WASF1: variants seen among roughly 807,000 people sequenced by gnomAD.
The protein encoded by WASF1 is WASP family member 1.
A neutral mutation model predicts 50.5 loss-of-function variants in WASF1; 7 were observed. The ratio of observed to expected loss-of-function variants is 0.14; its 90% CI spans 0.08 to 0.26. WASF1 has a LOEUF of 0.26. Ranked by LOEUF, WASF1 falls within the 10% of genes least tolerant of loss-of-function variation. WASF1 has a pLI of 1.00. For missense variants in WASF1, 470 were observed against 694.7 expected, an observed-to-expected ratio of 0.68 and a Z score of 3.64; for synonymous variants, 205 against 244.0, an observed-to-expected ratio of 0.84 and a Z score of 1.49.
rs777373514 is a variant in WASF1 at position 110,105,469 on chromosome 6, A to G, written c.651T>C (p.Asp217=). 6.2e-7 allele frequency: 1 copy of G among 1,613,960 alleles called. No individual in the cohort carries two copies. The highest frequency in any genetic ancestry group is 8.5e-7 in the Non-Finnish European group (1 of 1,179,954). Residue 217 remains aspartate (D), a synonymous_variant, in exon 8 of 11, where the codon GAT becomes GAC. Transcript: ENST00000392589. ...LAQGPELAED[D]ANLLHKHIEV... ...CAATATGCTTATGTAAGAGATTAGC[A>G]TCATCTTCAGCCAGCTCTGGACCTT...
chr6:110,153,900 A>G (rs1412997967), intron 3 of WASF1, among the ~76,000 whole-genome samples: 2 of 152,194 alleles, frequency 1.3e-5, no homozygotes, highest in Non-Finnish European at 2.9e-5. Flanking sequence ...AATGAATAGA[A>G]TATTATAAAA....
rs992383072 is a variant in WASF1, at chr6:110,101,699, G to A, written c.1411C>T (p.Pro471Ser). The change falls in exon 10 of 11, where the codon CCT becomes TCT. Residue 471 changes from proline to serine, a missense_variant. Pro to Ser is a moderately conservative substitution (Grantham distance 74). Around this residue, in one of 3 missense-constraint regions of WASF1, gnomAD observed 294 missense variants for 343.5 expected, o/e 0.86. Transcript: ENST00000392589. ...ATAACTTGTGATGGAGGAGATGGAGGCATTAATGGAACATGGGGACCTGGG... is the reference window on the plus strand; with the variant it reads ...ATAACTTGTGATGGAGGAGATGGAGACATTAATGGAACATGGGGACCTGGG... ...TAPGPHVPLM[P>S]PSPPSQVIPA... 8 of 1,614,166 alleles carry A rather than the reference G, an allele frequency of 5.0e-6. No homozygotes were observed. Among genetic ancestry groups the A allele is most frequent in the Non-Finnish European group, 5.1e-6 (6 of 1,180,018 alleles).
chr6:110,147,701 A>T (rs1775636400), intron 3 of WASF1, among the ~76,000 whole-genome samples: 1 of 152,182 alleles, frequency 6.6e-6, no homozygotes, highest in Non-Finnish European at 1.5e-5. Context: ...ACTGAAACTT[A>T]CTTGACAAAT....
chr6:110,107,443 T>A (rs1048722155), intron 6 of WASF1, among the ~76,000 whole-genome samples: 1 of 152,192 alleles, frequency 6.6e-6, no homozygotes, highest in Admixed American at 6.5e-5. Flanking sequence ...GCAATTTTCA[T>A]CCCTAATTTC....
chr6:110,116,296 A>T (rs1773801985), intron 4 of WASF1, among the ~76,000 whole-genome samples: 1 of 152,174 alleles, frequency 6.6e-6, no homozygotes, highest in East Asian at 1.9e-4. Flanking sequence ...GCTGTGACAG[A>T]CTCTACCTGG....
At chr6:110,120,104 G>T (rs1459169615) in intron 4 of WASF1, among the ~76,000 whole-genome samples, 1 of 152,100 alleles carries the variant, frequency 6.6e-6, no homozygotes, top group Non-Finnish European at 1.5e-5. Flanking sequence ...GGCAAAAACT[G>T]GAAGCACTCC....
At chr6:110,146,705 T>C (rs1775579755) in intron 3 of WASF1, among the ~76,000 whole-genome samples, 1 of 152,116 alleles carries the variant, frequency 6.6e-6, no homozygotes. Flanking sequence ...GCACATTATC[T>C]CAAACTGTTT....
At chr6:110,109,432 T>C (rs1327453803) in intron 5 of WASF1, among the ~76,000 whole-genome samples, 3 of 152,202 alleles carry the variant, frequency 2.0e-5, no homozygotes, top group Non-Finnish European at 4.4e-5. Flanking sequence ...GCATTCTTAA[T>C]TCTTACACTG....
chr6:110,162,014 G>C, intron 2 of WASF1, among the ~76,000 whole-genome samples: 1 of 151,378 alleles, frequency 6.6e-6, no homozygotes, highest in Middle Eastern at 3.2e-3. Context: ...TTTTGAAAGC[G>C]TACGAGTCGT....
chr6:110,154,467 A>G (rs1204195419), intron 3 of WASF1, among the ~76,000 whole-genome samples: 2 of 152,064 alleles, frequency 1.3e-5, no homozygotes, highest in Non-Finnish European at 2.9e-5. Context: ...GTAATTGCGT[A>G]TTATAAAAAA....
rs968409614 is a variant in WASF1 at position 110,105,454 on chromosome 6, A to G, written c.666T>C (p.His222=). The G allele has an allele frequency of 5.0e-6, 8 of 1,613,740 alleles. No homozygotes were observed. The highest frequency in any genetic ancestry group is 2.2e-5 in the South Asian group (2 of 91,012). ...ELAEDDANLL[H]KHIEVANGPA... ...GGCCATTAGCAACTTCAATATGCTT[A>G]TGTAAGAGATTAGCATCATCTTCAG... is the stretch of plus-strand genomic sequence containing the variant. The change falls in exon 8 of 11, where the codon CAT becomes CAC. Residue 222 remains histidine, a synonymous_variant. Coordinates refer to ENST00000392589, the MANE Select transcript of WASF1 (RefSeq NM_003931.3).
At chr6:110,170,847 A>G (rs914760541) in intron 2 of WASF1, among the ~76,000 whole-genome samples, 3 of 152,148 alleles carry the variant, frequency 2.0e-5, no homozygotes, top group Non-Finnish European at 4.4e-5. Context: ...ATTAACAGGG[A>G]TAAAGATAGG....
At chr6:110,149,730 AT>A (rs1209317544) in intron 3 of WASF1, among the ~76,000 whole-genome samples, 1 of 151,912 alleles carries the variant, frequency 6.6e-6, no homozygotes, top group African/African-American at 2.4e-5. Context: ...ACATATTTTA[AT>A]TTTTTATTTC....
intron 5 of WASF1, among the ~76,000 whole-genome samples, chr6:110,109,155 T>C (rs548123531): frequency 6.6e-6 from 1 of 152,218 alleles, no homozygotes; most frequent in East Asian, 2.0e-4. Flanking sequence ...ACTATAAATA[T>C]TGTATGTGTA....
At position 110,136,140 on chromosome 6, in the gene WASF1, T is replaced by A. The variant is rs529316957; in HGVS notation, c.-28-8511A>T. 7.9e-4 allele frequency among the ~76,000 whole-genome samples: 120 copies of A among 152,196 alleles called. 3 individuals carry two copies. The South Asian group carries it at 0.022, about 27-fold the overall frequency. On this transcript the variant is annotated intron_variant, in intron 3 of 10. Coordinates refer to ENST00000392589, the MANE Select transcript of WASF1 (RefSeq NM_003931.3). ...ACCTCGTGATCTGCCCGCCTCAGCC[T>A]CCCAAAGTGCTGGGACTACAGGCAT...
chr6:110,130,096 G>T (rs1245218665), intron 3 of WASF1, among the ~76,000 whole-genome samples: 1 of 152,176 alleles, frequency 6.6e-6, no homozygotes. Flanking sequence ...GCAGTTAAGT[G>T]TTACTTATCA....
intron 4 of WASF1, among the ~76,000 whole-genome samples, chr6:110,121,189 A>T (rs907348446): frequency 1.3e-5 from 2 of 152,218 alleles, no homozygotes; most frequent in Non-Finnish European, 2.9e-5. Flanking sequence ...GACACATGGG[A>T]TCTAAATAAA....
intron 5 of WASF1, among the ~76,000 whole-genome samples, chr6:110,112,894 C>CAAAAAAAAAAAAA (rs1229766023): frequency 1.3e-5 from 1 of 75,890 alleles, no homozygotes. Context: ...GTGTCTGTCT[C>CAAAAAAAAAAAAA]AAAAAAAAAA....
At position 110,100,398 on chromosome 6, in the gene WASF1, G is replaced by A; in HGVS notation, c.*124C>T. 1 of 918,540 alleles carries A rather than the reference G, an allele frequency of 1.1e-6. No homozygotes were observed. The highest frequency in any genetic ancestry group is 1.5e-6 in the Non-Finnish European group (1 of 653,486). 56.9% of individuals were successfully genotyped at this position (918,540 alleles called of 1,614,324 possible). On this transcript the variant is annotated 3_prime_UTR_variant, in exon 11 of 11. Transcript: ENST00000392589. ...TTCCTTAGAAATCAAAAGTTATGGA[G>A]GAAAAGGGTCATTTATTATAAGGAA...
Sources: gnomAD v4.1 joint callset for allele counts (sites outside exome capture counted in the v4.1 genomes callset) on GRCh38, gnomAD v4.1.1 for gene constraint, gnomAD v4.1.1 regional missense constraint, MANE v1.5 for transcripts, NCBI Gene and HGNC (gene_info 2026-07-23, HGNC 2026-07-21) for gene names.